Variants in NRXN1 observed in about 807,000 individuals in gnomAD.
NRXN1 encodes neurexin-1.
In NRXN1, 39 loss-of-function variants were observed where a neutral mutation model predicts 150.9. That is an observed-to-expected ratio of 0.26 (90% confidence interval 0.20 to 0.34). The LOEUF (loss-of-function observed/expected upper bound fraction) is 0.34. NRXN1 is among the 10% of genes least tolerant of loss of function. The pLI, the probability that NRXN1 is intolerant of heterozygous loss-of-function variation, is 1.00. For synonymous variants in NRXN1, 924 were observed against 757.0 expected (o/e 1.22, Z -3.62); for missense variants, 1,815 against 1,949.9 (o/e 0.93, Z 1.30).
Position 50,997,175 on chromosome 2 carries a change from G to C in NRXN1, c.772+30327C>G, listed in dbSNP as rs141334641. ...ATCAATCCACATTATATTTAAGGAA[G>C]TGTGTTTATTATGTCTTGGCCTTCA... On this transcript the variant is annotated intron_variant, in intron 2 of 22. Transcript: ENST00000401669. Among the ~76,000 whole-genome samples, 604 of 152,096 alleles carry C rather than the reference G, an allele frequency of 4.0e-3. 5 individuals are homozygous for C. The highest frequency in any genetic ancestry group is 0.014 in the African/African-American group (568 of 41,540).
chr2:50,488,078 G>T (rs903038666), intron 15 of NRXN1, among the ~76,000 whole-genome samples: 3 of 152,186 alleles, frequency 2.0e-5, no homozygotes, highest in African/African-American at 7.2e-5. Context: ...TCACCTTGAA[G>T]AATTTAGGCC....
chr2:50,230,830 C>T (rs760597275), intron 18 of NRXN1, among the ~76,000 whole-genome samples: 2 of 151,980 alleles, frequency 1.3e-5, no homozygotes, highest in Non-Finnish European at 2.9e-5. Context: ...CCTCTCCTAC[C>T]TCCCACATAA....
At chr2:50,528,546 C>A in intron 12 of NRXN1, 79 bp downstream of exon 12, 1 of 677,376 alleles carries the variant, frequency 1.5e-6, no homozygotes. Context: ...ATTTCTCTTG[C>A]TCTCTCTCTC....
At chr2:50,864,084 A>G (rs569120528) in intron 5 of NRXN1, among the ~76,000 whole-genome samples, 26 of 152,122 alleles carry the variant, frequency 1.7e-4, no homozygotes, top group African/African-American at 6.3e-4. Flanking sequence ...GGCTTACTCA[A>G]TTTACACACA....
intron 5 of NRXN1, among the ~76,000 whole-genome samples, chr2:50,750,753 C>T (rs1359573139): frequency 1.3e-5 from 2 of 151,916 alleles, no homozygotes; most frequent in Admixed American, 6.6e-5. Context: ...CATTACTAGC[C>T]GAAGTGGTTG....
chr2:50,269,120 G>A (rs915605836), intron 17 of NRXN1, among the ~76,000 whole-genome samples: 2 of 152,110 alleles, frequency 1.3e-5, no homozygotes, highest in Non-Finnish European at 1.5e-5. Context: ...GACAGGGAAA[G>A]TGCCTTGCCT....
intron 18 of NRXN1, among the ~76,000 whole-genome samples, chr2:50,110,597 A>G (rs952774356): frequency 2.6e-5 from 4 of 152,004 alleles, no homozygotes; most frequent in South Asian, 2.1e-4. Flanking sequence ...TCTTTTTCCA[A>G]CTTTATATGT....
intron 5 of NRXN1, among the ~76,000 whole-genome samples, chr2:50,900,874 G>A (rs1252038929): frequency 6.6e-6 from 1 of 152,096 alleles, no homozygotes; most frequent in Admixed American, 6.5e-5. Context: ...AGGTAGAAAG[G>A]AAGAGATGGT....
At chr2:49,928,748 A>C (rs1394338325) in intron 22 of NRXN1, among the ~76,000 whole-genome samples, 1 of 152,208 alleles carries the variant, frequency 6.6e-6, no homozygotes, top group Non-Finnish European at 1.5e-5. Context: ...ATTTGTAGGA[A>C]AGCAGGGACA....
intron 18 of NRXN1, among the ~76,000 whole-genome samples, chr2:50,219,646 G>T (rs1197651964): frequency 1.3e-5 from 2 of 151,064 alleles, no homozygotes; most frequent in Non-Finnish European, 2.9e-5. Flanking sequence ...CAACATTTTG[G>T]GAGGCCAAGG....
intron 18 of NRXN1, among the ~76,000 whole-genome samples, chr2:50,165,020 A>G (rs4971652): frequency 0.17 from 26,464 of 152,024 alleles, 2,802 homozygotes; most frequent in East Asian, 0.42. Context: ...TCTGAAAGCA[A>G]GAGACTCTCC....
At chr2:50,646,725 T>C (rs1195740900) in intron 5 of NRXN1, among the ~76,000 whole-genome samples, 3 of 148,964 alleles carry the variant, frequency 2.0e-5, no homozygotes, top group Non-Finnish European at 3.0e-5. Flanking sequence ...TTTTTTTTTT[T>C]TTTTCTCTCT....
intron 18 of NRXN1, among the ~76,000 whole-genome samples, chr2:50,103,596 T>A (rs1213969496): frequency 4.6e-5 from 7 of 151,970 alleles, no homozygotes; most frequent in Admixed American, 4.6e-4. Context: ...TAAATGAGCA[T>A]TTGCCCTGAA....
intron 14 of NRXN1, among the ~76,000 whole-genome samples, 166 bp downstream of exon 14, chr2:50,497,167 A>C (rs1356016447): frequency 3.9e-5 from 6 of 152,218 alleles, no homozygotes; most frequent in Non-Finnish European, 8.8e-5. Context: ...ATATTAATTT[A>C]AGATACCTAA....
chr2:50,200,581 C>T (rs903538296), intron 18 of NRXN1, among the ~76,000 whole-genome samples: 1 of 152,138 alleles, frequency 6.6e-6, no homozygotes, highest in Non-Finnish European at 1.5e-5. Context: ...AACAGGCTCT[C>T]ATTGGTGTAA....
At chr2:50,430,289 T>C (rs1004699439) in intron 17 of NRXN1, among the ~76,000 whole-genome samples, 2 of 152,102 alleles carry the variant, frequency 1.3e-5, no homozygotes, top group African/African-American at 4.8e-5. Context: ...ATTTTTTATA[T>C]CAGTCTGTAA....
chr2:50,691,753 T>C (rs1692113479), intron 5 of NRXN1, among the ~76,000 whole-genome samples: 1 of 152,102 alleles, frequency 6.6e-6, no homozygotes, highest in African/African-American at 2.4e-5. Context: ...TTAGTCAGTC[T>C]TCTTGTGGCC....
At chr2:50,179,420 G>C (rs1387705260) in intron 18 of NRXN1, among the ~76,000 whole-genome samples, 1 of 152,110 alleles carries the variant, frequency 6.6e-6, no homozygotes, top group Non-Finnish European at 1.5e-5. Flanking sequence ...CCTGAGGTGA[G>C]TTTTTCATCA....
intron 17 of NRXN1, among the ~76,000 whole-genome samples, chr2:50,453,216 G>C (rs1489287187): frequency 2.7e-5 from 4 of 145,674 alleles, no homozygotes; most frequent in African/African-American, 9.7e-5. Context: ...GGGTATATTA[G>C]AATCATATGG....
Sources: gnomAD v4.1 joint callset for allele counts (sites outside exome capture counted in the v4.1 genomes callset) on GRCh38, gnomAD v4.1.1 for gene constraint, MANE v1.5 for transcripts, NCBI Gene and HGNC (gene_info 2026-07-23, HGNC 2026-07-21) for gene names.